CCSER1: variants seen among roughly 807,000 people sequenced by gnomAD.
CCSER1 encodes the protein coiled-coil serine rich protein 1, also known as serine-rich coiled-coil domain-containing protein 1.
Under a neutral mutation model 82.0 loss-of-function variants are expected in CCSER1, and 41 were observed. The ratio of observed to expected loss-of-function variants is 0.50; its 90% CI spans 0.39 to 0.65. CCSER1 has a LOEUF of 0.65. Among genes scored for constraint, CCSER1 ranks in the 30% least tolerant of loss-of-function variants. The pLI is 0.00. For synonymous variants in CCSER1, 414 were observed against 383.9 expected, an observed-to-expected ratio of 1.08 and a Z score of -0.92; for missense variants, 1,119 against 1,064.2, an observed-to-expected ratio of 1.05 and a Z score of -0.72.
chr4:91,186,944 A>G (rs1314116753), intron 10 of CCSER1, among the ~76,000 whole-genome samples: 1 of 152,228 alleles, frequency 6.6e-6, no homozygotes, highest in African/African-American at 2.4e-5. Flanking sequence ...CATTATGAAC[A>G]TGTTACAGTG....
At chr4:90,375,660 G>A (rs1578173816) in intron 3 of CCSER1, among the ~76,000 whole-genome samples, 1 of 152,080 alleles carries the variant, frequency 6.6e-6, no homozygotes, top group Admixed American at 6.6e-5. Flanking sequence ...TCCCTTAATT[G>A]TAGTGAGAAA....
At chr4:90,858,658 A>C (rs1764726535) in intron 8 of CCSER1, among the ~76,000 whole-genome samples, 1 of 151,916 alleles carries the variant, frequency 6.6e-6, no homozygotes, top group African/African-American at 2.4e-5. Context: ...ATAATGAATA[A>C]AATCTGCATT....
At chr4:90,339,710 A>T in intron 3 of CCSER1, among the ~76,000 whole-genome samples, 1 of 151,998 alleles carries the variant, frequency 6.6e-6, no homozygotes, top group East Asian at 1.9e-4. Flanking sequence ...TCACCTTATC[A>T]TTATGTCATC....
In CCSER1 at chr4:91,535,929, T is replaced by G. The variant is rs562498179; in HGVS notation, c.2218-62643T>G. On this transcript the variant is annotated intron_variant, in intron 10 of 10. Transcript: ENST00000509176. ...AGCATACTTGGCACCTCCTTAACCTTGGCCTTTCCCTTTTGTCCTCTCTTC... is the reference window on the plus strand; with the variant it reads ...AGCATACTTGGCACCTCCTTAACCTGGGCCTTTCCCTTTTGTCCTCTCTTC... Among the ~76,000 whole-genome samples, 24 of 152,208 alleles carry G rather than the reference T, an allele frequency of 1.6e-4. No homozygotes were observed. The South Asian group carries it at 3.3e-3, about 21-fold the overall frequency.
intron 5 of CCSER1, among the ~76,000 whole-genome samples, chr4:90,591,558 A>G (rs1782697511): frequency 6.6e-6 from 1 of 152,194 alleles, no homozygotes; most frequent in Non-Finnish European, 1.5e-5. Context: ...GGCTGTGGAG[A>G]AATAGAAGCA....
chr4:90,262,883 C>A (rs539356736), intron 1 of CCSER1, among the ~76,000 whole-genome samples: 1 of 152,148 alleles, frequency 6.6e-6, no homozygotes, highest in African/African-American at 2.4e-5. Context: ...CTCATGCAAT[C>A]CTGAACCTGG....
intron 3 of CCSER1, among the ~76,000 whole-genome samples, chr4:90,318,661 G>A (rs1314740747): frequency 6.6e-6 from 1 of 152,150 alleles, no homozygotes; most frequent in Admixed American, 6.5e-5. Context: ...GATAATAGTA[G>A]AATAATATGA....
intron 9 of CCSER1, among the ~76,000 whole-genome samples, chr4:90,934,836 C>A (rs908231516): frequency 6.6e-6 from 1 of 152,040 alleles, no homozygotes; most frequent in Non-Finnish European, 1.5e-5. Context: ...GAGACTGAGG[C>A]AAGAGAATCG....
intron 10 of CCSER1, among the ~76,000 whole-genome samples, chr4:91,298,007 A>C (rs1744350286): frequency 6.6e-6 from 1 of 151,984 alleles, no homozygotes; most frequent in Admixed American, 6.6e-5. Flanking sequence ...GCATAATAAT[A>C]GGTAGTGTTA....
At chr4:90,690,637 T>C (rs1413866263) in intron 6 of CCSER1, among the ~76,000 whole-genome samples, 1 of 152,070 alleles carries the variant, frequency 6.6e-6, no homozygotes, top group Non-Finnish European at 1.5e-5. Flanking sequence ...GTATTTCTCT[T>C]ACCCGGTCAA....
At chr4:91,424,906 T>G (rs1753885542) in intron 10 of CCSER1, among the ~76,000 whole-genome samples, 1 of 152,124 alleles carries the variant, frequency 6.6e-6, no homozygotes, top group Non-Finnish European at 1.5e-5. Context: ...GTGATTAAGC[T>G]TTCATACCAT....
intron 9 of CCSER1, among the ~76,000 whole-genome samples, chr4:90,991,221 CTT>C (rs1737001136): frequency 6.6e-6 from 1 of 151,814 alleles, no homozygotes; most frequent in South Asian, 2.1e-4. Flanking sequence ...TTTGAGCAGA[CTT>C]AAGCCACTCA....
At chr4:90,964,830 G>A (rs1433986513) in intron 9 of CCSER1, among the ~76,000 whole-genome samples, 3 of 151,506 alleles carry the variant, frequency 2.0e-5, no homozygotes, top group Non-Finnish European at 2.9e-5. Flanking sequence ...TCGATACCAC[G>A]GAGTGTTTAT....
intron 10 of CCSER1, among the ~76,000 whole-genome samples, chr4:91,177,223 G>T (rs192033224): frequency 7.6e-4 from 116 of 152,322 alleles, no homozygotes; most frequent in African/African-American, 2.7e-3. Context: ...CGGTTTGCCA[G>T]TATTTTATTG....
chr4:90,138,316 C>T (rs531200597), intron 1 of CCSER1, among the ~76,000 whole-genome samples: 2 of 152,218 alleles, frequency 1.3e-5, no homozygotes, highest in African/African-American at 2.4e-5. Flanking sequence ...TTATGCCTCC[C>T]GAGTAGCTGG....
At chr4:90,986,562 A>G (rs931610465) in intron 9 of CCSER1, among the ~76,000 whole-genome samples, 1 of 151,704 alleles carries the variant, frequency 6.6e-6, no homozygotes. Context: ...AAGCCAAGTG[A>G]ATTGGAGAGG....
chr4:91,090,741 T>C (rs533909111), intron 10 of CCSER1, among the ~76,000 whole-genome samples: 1 of 152,284 alleles, frequency 6.6e-6, no homozygotes, highest in African/African-American at 2.4e-5. Context: ...CAAAAACAAA[T>C]TTCTAGTTTT....
chr4:91,115,403 C>T (rs919746875), intron 10 of CCSER1, among the ~76,000 whole-genome samples: 61 of 151,906 alleles, frequency 4.0e-4, no homozygotes, highest in Non-Finnish European at 2.8e-4. Flanking sequence ...CTCGGCTCAC[C>T]GCAACCTCCA....
At chr4:91,266,406 C>T (rs1741586766) in intron 10 of CCSER1, among the ~76,000 whole-genome samples, 1 of 152,054 alleles carries the variant, frequency 6.6e-6, no homozygotes, top group Non-Finnish European at 1.5e-5. Context: ...TGCCCGCCAC[C>T]ATGCCCTGCT....
Sources: gnomAD v4.1 joint callset for allele counts (sites outside exome capture counted in the v4.1 genomes callset) on GRCh38, gnomAD v4.1.1 for gene constraint, MANE v1.5 for transcripts, NCBI Gene and HGNC (gene_info 2026-07-23, HGNC 2026-07-21) for gene names.